LMO3: variants seen among roughly 807,000 people sequenced by gnomAD.
The protein encoded by LMO3 is LIM domain only protein 3.
LMO3 carries 2 observed loss-of-function variants against 15.8 expected under a neutral mutation model. That is an observed-to-expected ratio of 0.13 (90% confidence interval 0.05 to 0.40). The LOEUF (loss-of-function observed/expected upper bound fraction) is 0.40, where lower values mean the gene tolerates loss of function less well. LMO3 is among the 10% of genes least tolerant of loss of function. LMO3 has a pLI of 0.99. For synonymous variants in LMO3, 62 were observed against 63.8 expected (o/e 0.97, Z 0.13); for missense variants, 86 against 182.2 (o/e 0.47, Z 3.04).
In LMO3 at chr12:16,599,589, A is replaced by G. The variant is rs1312145299; in HGVS notation, c.206+1066T>C. On this transcript the variant is annotated intron_variant, in intron 2 of 3. Transcript: ENST00000537304. The surrounding 1 kb of genome is among the most constrained non-coding windows in gnomAD (Gnocchi z 4.1). ...GGAAAAAATTCCAAATAAATCGCTTAATGTCAGACCAGAAAAATGATAAAT... is the reference window on the plus strand; with the variant it reads ...GGAAAAAATTCCAAATAAATCGCTTGATGTCAGACCAGAAAAATGATAAAT... The G allele has an allele frequency of 6.6e-6, 1 of 152,194 alleles. No individual in the cohort carries two copies. Among genetic ancestry groups the G allele is most frequent in the Admixed American group, 6.5e-5 (1 of 15,268 alleles). The allele number at this position is 152,194 out of a possible 1,614,324, so 9.4% of individuals were successfully genotyped here. A position where few individuals can be genotyped will look rare whatever the true frequency, so the allele number is the denominator to read the frequency against.
intron 3 of LMO3, among the ~76,000 whole-genome samples, chr12:16,557,034 T>C (rs1042918564): frequency 1.3e-5 from 2 of 152,226 alleles, no homozygotes; most frequent in African/African-American, 2.4e-5. Context: ...CTTACTTGAC[T>C]GAGTTCTCCT....
In LMO3 at chr12:16,582,745, C is replaced by A. The variant is rs2137548984; in HGVS notation, c.206+17910G>T. On this transcript the variant is annotated intron_variant, in intron 2 of 3. Coordinates refer to ENST00000537304, the MANE Select transcript of LMO3 (RefSeq NM_018640.5). The surrounding 1 kb of genome is among the most constrained non-coding windows in gnomAD (Gnocchi z 4.1). ...TTAAGTATCTGATTGGGATGAGACG[C>A]CCAGAAAAGAATCAGAACTAGGCCG... is the stretch of plus-strand genomic sequence containing the variant. 6.6e-6 allele frequency among the ~76,000 whole-genome samples: 1 copy of A among 152,196 alleles called. No individual in the cohort carries two copies. The highest frequency in any genetic ancestry group is 1.9e-4 in the East Asian group (1 of 5,158).
At chr12:16,574,443 A>G (rs562008529) in intron 2 of LMO3, among the ~76,000 whole-genome samples, 4 of 152,154 alleles carry the variant, frequency 2.6e-5, no homozygotes, top group East Asian at 1.9e-4. Context: ...CTCCTGTGAC[A>G]GATGGCATAA....
chr12:16,605,130 T>G, intron 1 of LMO3: 1 of 1,408,952 alleles, frequency 7.1e-7, no homozygotes. Flanking sequence ...CCTCGCAGTG[T>G]GCAAAATGAT....
chr12:16,558,314 T>G (rs1229652904), intron 3 of LMO3, among the ~76,000 whole-genome samples: 1 of 152,088 alleles, frequency 6.6e-6, no homozygotes, highest in Non-Finnish European at 1.5e-5. Context: ...ATTTTCTATT[T>G]TCTAAATTTC....
rs1591800692 is a variant in LMO3 at position 16,576,537 on chromosome 12, C to T, written c.207-15999G>A. On this transcript the variant is annotated intron_variant, in intron 2 of 3. Transcript: ENST00000537304. This position sits in a 1 kb window ranked among gnomAD's most constrained non-coding sequence, Gnocchi z 4.1. ...TAACACACTTCTTTAGACATTTAAG[C>T]ACTTGTTTTCATATACTACTTCATC... Among the ~76,000 whole-genome samples the T allele has an allele frequency of 6.6e-6, 1 of 152,242 alleles. No homozygotes were observed. The highest frequency in any genetic ancestry group is 2.4e-5 in the African/African-American group (1 of 41,536).
chr12:16,606,030 T>G (rs911780080), intron 1 of LMO3, 36 bp downstream of exon 1: 1 of 595,322 alleles, frequency 1.7e-6, no homozygotes. Flanking sequence ...ACACCACAAA[T>G]AAGCCGACGC....
intron 3 of LMO3, among the ~76,000 whole-genome samples, chr12:16,552,007 T>G (rs889387639): frequency 3.3e-5 from 5 of 152,022 alleles, no homozygotes; most frequent in African/African-American, 1.2e-4. Flanking sequence ...GTAACCTAAA[T>G]GAACTACTTA....
In LMO3 at chr12:16,549,116, C is replaced by T. The variant is rs1941893209; in HGVS notation, c.*2106G>A. 6.6e-6 allele frequency: 1 copy of T among 152,058 alleles called. No individual in the cohort carries two copies. Among genetic ancestry groups the T allele is most frequent in the Non-Finnish European group, 1.5e-5 (1 of 67,980 alleles). 9.4% of individuals were successfully genotyped at this position (152,058 alleles called of 1,614,324 possible). A position where few individuals can be genotyped will look rare whatever the true frequency, so the allele number is the denominator to read the frequency against. On this transcript the variant is annotated 3_prime_UTR_variant, in exon 4 of 4. Transcript: ENST00000537304. The stretch of plus-strand genomic sequence containing the variant: ...ATTTTACATCCATGTGAATTTCAAG[C>T]AATTGTTAATGGGGACCAGCAGGGC...
At position 16,584,387 on chromosome 12, in the gene LMO3, C is replaced by T. The variant is rs1943253693; in HGVS notation, c.206+16268G>A. 2.0e-5 allele frequency among the ~76,000 whole-genome samples: 3 copies of T among 152,128 alleles called. No homozygotes were observed. The highest frequency in any genetic ancestry group is 7.2e-5 in the African/African-American group (3 of 41,432). Reference sequence around the variant, plus strand: ...TTCAGGTAAGGCAACAGATGAAATTCAGTTAAAACAATATTTTGATGGGAA... The same window carrying T: ...TTCAGGTAAGGCAACAGATGAAATTTAGTTAAAACAATATTTTGATGGGAA... On this transcript the variant is annotated intron_variant, in intron 2 of 3. Transcript: ENST00000537304. This position sits in a 1 kb window ranked among gnomAD's most constrained non-coding sequence, Gnocchi z 5.2.
intron 3 of LMO3, among the ~76,000 whole-genome samples, chr12:16,552,675 G>T (rs1488935664): frequency 6.6e-6 from 1 of 151,952 alleles, no homozygotes; most frequent in Non-Finnish European, 1.5e-5. Flanking sequence ...TTTTCCCCAG[G>T]ATTACTGCCT....
intron 2 of LMO3, among the ~76,000 whole-genome samples, chr12:16,588,224 AAAGT>A (rs1398625960): frequency 2.6e-5 from 4 of 152,020 alleles, no homozygotes; most frequent in Non-Finnish European, 4.4e-5. Flanking sequence ...AATGTATAAT[AAAGT>A]ATTTACAATT....
intron 3 of LMO3, among the ~76,000 whole-genome samples, chr12:16,553,842 T>A (rs1239123087): frequency 6.6e-6 from 1 of 151,840 alleles, no homozygotes; most frequent in Non-Finnish European, 1.5e-5. Context: ...TTTAACCAAC[T>A]TCTTATGAGA....
In LMO3 at chr12:16,560,544, A is replaced by G; in HGVS notation, c.207-6T>C. The G allele has an allele frequency of 1.3e-6, 2 of 1,588,862 alleles. No individual in the cohort carries two copies. The highest frequency in any genetic ancestry group is 1.7e-6 in the Non-Finnish European group (2 of 1,172,096). Reference sequence around the variant, plus strand: ...TTCCCGTTACACCAAAGAGCCTAGAATAAGAAACATTTTTTTTTTTTTACA... The same window carrying G: ...TTCCCGTTACACCAAAGAGCCTAGAGTAAGAAACATTTTTTTTTTTTTACA... On this transcript the variant is annotated splice_polypyrimidine_tract_variant and splice_region_variant and intron_variant, in intron 2 of 3. Coordinates refer to ENST00000537304, the MANE Select transcript of LMO3 (RefSeq NM_018640.5). This position sits in a 1 kb window ranked among gnomAD's most constrained non-coding sequence, Gnocchi z 5.0.
intron 2 of LMO3, among the ~76,000 whole-genome samples, chr12:16,575,054 G>A (rs927414157): frequency 2.0e-5 from 3 of 150,324 alleles, no homozygotes; most frequent in East Asian, 1.9e-4. Flanking sequence ...AGGTGTTTTC[G>A]TTTGTTTATT....
At chr12:16,590,811 G>A (rs1387071218) in intron 2 of LMO3, among the ~76,000 whole-genome samples, 2 of 151,838 alleles carry the variant, frequency 1.3e-5, no homozygotes, top group South Asian at 2.1e-4. Flanking sequence ...TCAAACATGC[G>A]ACTATATCAT....
At chr12:16,580,617 A>G (rs1683102861) in intron 2 of LMO3, among the ~76,000 whole-genome samples, 1 of 152,218 alleles carries the variant, frequency 6.6e-6, no homozygotes, top group Admixed American at 6.5e-5. Flanking sequence ...AATGTAGATC[A>G]TAGTCTAAAA....
At position 16,597,183 on chromosome 12, in the gene LMO3, G is replaced by A. The variant is rs539514327; in HGVS notation, c.206+3472C>T. On this transcript the variant is annotated intron_variant, in intron 2 of 3. Transcript: ENST00000537304. This position sits in a 1 kb window ranked among gnomAD's most constrained non-coding sequence, Gnocchi z 5.0. ...ATATGCCAGTCCAGTTCTGGAAAGT[G>A]AAAAATTCCACTGTTAAGATTTGAT... Among the ~76,000 whole-genome samples the A allele has an allele frequency of 2.6e-5, 4 of 151,754 alleles. No homozygotes were observed. In the South Asian group the frequency reaches 8.3e-4, roughly 31 times the overall value.
upstream of LMO3, chr12:16,606,359 C>T (rs1222462723): frequency 6.6e-6 from 1 of 152,458 alleles, no homozygotes; most frequent in Non-Finnish European, 1.5e-5. Context: ...TGCGAGGAGC[C>T]GAGCTGAAGG....
Sources: gnomAD v4.1 joint callset for allele counts (sites outside exome capture counted in the v4.1 genomes callset) on GRCh38, gnomAD v4.1.1 for gene constraint, Gnocchi (gnomAD v3.1) non-coding constraint, MANE v1.5 for transcripts, NCBI Gene and HGNC (gene_info 2026-07-23, HGNC 2026-07-21) for gene names.